SMAD9: variants seen among roughly 807,000 people sequenced by gnomAD.
SMAD9 encodes SMAD family member 9.
In SMAD9, 36 loss-of-function variants were observed where a neutral mutation model predicts 46.1. That is an observed-to-expected ratio of 0.78 (90% CI 0.60 to 1.03). The LOEUF is 1.03. SMAD9 is among the 50% of genes least tolerant of loss of function. SMAD9 has a pLI of 0.00. For synonymous variants in SMAD9, 245 were observed against 237.1 expected (o/e 1.03, Z -0.31); for missense variants, 572 against 599.8 (o/e 0.95, Z 0.48).
intron 1 of SMAD9, among the ~76,000 whole-genome samples, chr13:36,910,089 C>T (rs1350276165): frequency 6.6e-6 from 1 of 151,596 alleles, no homozygotes; most frequent in African/African-American, 2.4e-5. Context: ...CCCAGCTACT[C>T]AGGAGGCTGA....
intron 1 of SMAD9, among the ~76,000 whole-genome samples, chr13:36,907,284 G>A (rs1404882236): frequency 2.0e-5 from 3 of 148,046 alleles, no homozygotes; most frequent in Non-Finnish European, 4.5e-5. Flanking sequence ...GTTTCAGTTT[G>A]GGAAGATGAA....
At chr13:36,892,830 T>G (rs1311836086) in intron 1 of SMAD9, among the ~76,000 whole-genome samples, 2 of 152,164 alleles carry the variant, frequency 1.3e-5, no homozygotes, top group Non-Finnish European at 2.9e-5. Context: ...GAAGACATTC[T>G]ATGCAAAATC....
At chr13:36,898,182 G>A (rs901135425) in intron 1 of SMAD9, among the ~76,000 whole-genome samples, 1 of 152,004 alleles carries the variant, frequency 6.6e-6, no homozygotes, top group East Asian at 1.9e-4. Context: ...CTTAATAAGG[G>A]TGTGGGTTAC....
At chr13:36,882,227 CTGTGTGTGTGTGTGTG>C (rs61006734) in intron 1 of SMAD9, among the ~76,000 whole-genome samples, 347 of 149,430 alleles carry the variant, frequency 2.3e-3, no homozygotes, top group African/African-American at 8.0e-3. Flanking sequence ...CAGGTATGTG[CTGTGTGTGTGTGTGTG>C]TGTGTGTGTG....
Position 36,847,792 on chromosome 13 carries a change from C to G in SMAD9, c.*884G>C, listed in dbSNP as rs1249279713. On this transcript the variant is annotated 3_prime_UTR_variant, in exon 7 of 7. Transcript: ENST00000379826. Reference sequence around the variant, plus strand: ...CTTTGGTTTCACCTGCTTCTTGACACAGGACTGAAACACAAGCTATTCTGG... The same window carrying G: ...CTTTGGTTTCACCTGCTTCTTGACAGAGGACTGAAACACAAGCTATTCTGG... The G allele has an allele frequency of 6.6e-6, 1 of 152,214 alleles. No individual in the cohort carries two copies. The highest frequency in any genetic ancestry group is 1.5e-5 in the Non-Finnish European group (1 of 68,044). The allele number at this position is 152,214 out of a possible 1,614,324, so 9.4% of individuals were successfully genotyped here.
chr13:36,858,572 C>G (rs2058148794), intron 5 of SMAD9, among the ~76,000 whole-genome samples: 1 of 152,192 alleles, frequency 6.6e-6, no homozygotes, highest in African/African-American at 2.4e-5. Context: ...TACTGTCACT[C>G]AAACACGCAG....
chr13:36,852,385 A>G, intron 6 of SMAD9: 1 of 985,048 alleles, frequency 1.0e-6, no homozygotes, highest in Non-Finnish European at 1.2e-6. Context: ...GAAATACTAG[A>G]CTCATTTGCG....
chr13:36,903,720 A>G (rs2058596747), intron 1 of SMAD9, among the ~76,000 whole-genome samples: 1 of 152,202 alleles, frequency 6.6e-6, no homozygotes, highest in Non-Finnish European at 1.5e-5. Flanking sequence ...CATACTATAT[A>G]TAATGCAAAA....
chr13:36,858,157 C>G (rs1056342538), intron 5 of SMAD9, among the ~76,000 whole-genome samples: 3 of 152,126 alleles, frequency 2.0e-5, no homozygotes, highest in Admixed American at 2.0e-4. Flanking sequence ...ATTCCCCTCT[C>G]TGTTTTCCTA....
chr13:36,896,760 T>C (rs528246067), intron 1 of SMAD9, among the ~76,000 whole-genome samples: 1 of 18,884 alleles, frequency 5.3e-5, no homozygotes, highest in East Asian at 1.8e-3. Context: ...ACCAACATTT[T>C]TGTGTATTTT....
intron 2 of SMAD9, among the ~76,000 whole-genome samples, chr13:36,873,360 C>A (rs746155437): frequency 6.6e-6 from 1 of 152,086 alleles, no homozygotes; most frequent in Non-Finnish European, 1.5e-5. Flanking sequence ...GTTTCTCTTG[C>A]TTGCAATGAA....
chr13:36,851,058 A>T (rs1367879142), intron 6 of SMAD9, among the ~76,000 whole-genome samples: 1 of 152,132 alleles, frequency 6.6e-6, no homozygotes, highest in Non-Finnish European at 1.5e-5. Flanking sequence ...TGCCTGTATA[A>T]TATCTATCCT....
chr13:36,875,208 TAA>T (rs1241200580), intron 2 of SMAD9, among the ~76,000 whole-genome samples: 2 of 151,948 alleles, frequency 1.3e-5, no homozygotes, highest in Non-Finnish European at 2.9e-5. Context: ...CTCTAAAAAA[TAA>T]AGTCTTAAAA....
intron 5 of SMAD9, among the ~76,000 whole-genome samples, chr13:36,855,879 T>C (rs548408944): frequency 2.5e-4 from 38 of 152,328 alleles, no homozygotes; most frequent in African/African-American, 8.7e-4. Context: ...CAGCCCTGGA[T>C]ATCCAGTCCA....
chr13:36,917,097 T>C (rs949889138), intron 1 of SMAD9, among the ~76,000 whole-genome samples: 1 of 152,048 alleles, frequency 6.6e-6, no homozygotes, highest in African/African-American at 2.4e-5. Context: ...GTGTCCGTCA[T>C]GGTTTTGGGG....
At chr13:36,905,358 C>T (rs886345041) in intron 1 of SMAD9, among the ~76,000 whole-genome samples, 4 of 152,186 alleles carry the variant, frequency 2.6e-5, no homozygotes, top group Non-Finnish European at 4.4e-5. Flanking sequence ...AGGTCTTACA[C>T]TTCTTTTGAG....
At position 36,865,655 on chromosome 13, in the gene SMAD9, A is replaced by G. The variant is rs758444458; in HGVS notation, c.885T>C (p.Ser295=). The part of the protein sequence containing the change: ...VGETFQASSR[S]VLIDGFTDPS... Reference sequence around the variant, plus strand: ...GGTCGGTGAACCCATCTATGAGCACACTTCGGGAGGAAGCCTGGAATGTCT... The same window carrying G: ...GGTCGGTGAACCCATCTATGAGCACGCTTCGGGAGGAAGCCTGGAATGTCT... The change falls in exon 5 of 7, where the codon AGT becomes AGC. Residue 295 remains serine, a synonymous_variant. Transcript: ENST00000379826. The G allele has an allele frequency of 6.2e-7, 1 of 1,614,140 alleles. No homozygotes were observed. Among genetic ancestry groups the G allele is most frequent in the South Asian group, 1.1e-5 (1 of 91,088 alleles).
At chr13:36,919,339 C>A (rs772147639) in intron 1 of SMAD9, among the ~76,000 whole-genome samples, 7 of 152,152 alleles carry the variant, frequency 4.6e-5, no homozygotes, top group African/African-American at 7.2e-5. Context: ...CTGCTTCCCA[C>A]CTCGCCCCCT....
At chr13:36,888,188 G>A (rs772980945) in intron 1 of SMAD9, among the ~76,000 whole-genome samples, 1 of 152,172 alleles carries the variant, frequency 6.6e-6, no homozygotes, top group Admixed American at 6.5e-5. Context: ...ATCTTGAACT[G>A]TAGTCCCCAC....
Sources: gnomAD v4.1 joint callset for allele counts (sites outside exome capture counted in the v4.1 genomes callset) on GRCh38, gnomAD v4.1.1 for gene constraint, MANE v1.5 for transcripts, NCBI Gene and HGNC (gene_info 2026-07-23, HGNC 2026-07-21) for gene names.